The following CAST variants were observed in gnomAD, a reference collection of about 807,000 sequenced individuals.
CAST encodes calpastatin.
Under a neutral mutation model 119.6 loss-of-function variants are expected in CAST, and 76 were observed. The ratio of observed to expected loss-of-function variants is 0.64; its 90% CI spans 0.53 to 0.77. CAST has a LOEUF of 0.77. Among genes scored for constraint, CAST ranks in the 30% least tolerant of loss-of-function variants. CAST has a pLI of 0.00. For synonymous variants in CAST, 319 were observed against 331.6 expected (o/e 0.96, Z 0.41); for missense variants, 953 against 946.5 (o/e 1.01, Z -0.09).
chr5:96,037,001 C>A, the CAST span, among the ~76,000 whole-genome samples: 1 of 152,062 alleles, frequency 6.6e-6, no homozygotes, highest in Non-Finnish European at 1.5e-5. Flanking sequence ...GATCTACCTT[C>A]CCTTGTGGAA....
the CAST span, among the ~76,000 whole-genome samples, chr5:95,962,867 G>T: frequency 1.3e-5 from 2 of 152,202 alleles, no homozygotes; most frequent in Admixed American, 6.5e-5. Flanking sequence ...AGGGTTTAAA[G>T]GTAAGAGGCT....
chr5:96,102,485 G>A, the CAST span, among the ~76,000 whole-genome samples: 2 of 152,102 alleles, frequency 1.3e-5, no homozygotes, highest in African/African-American at 4.8e-5. Flanking sequence ...TTGGTAAAAA[G>A]ACAATATTCA....
the CAST span, among the ~76,000 whole-genome samples, chr5:96,211,733 G>A: frequency 6.6e-6 from 1 of 151,820 alleles, no homozygotes; most frequent in African/African-American, 2.4e-5. Context: ...GTAAACATTG[G>A]GAATAATTCT....
rs184683403 is a variant in CAST, at chr5:96,627,910, C to T, written c.61-47629C>T. Among the ~76,000 whole-genome samples, 3 of 152,324 alleles carry T rather than the reference C, an allele frequency of 2.0e-5. No individual in the cohort carries two copies. In the East Asian group the frequency reaches 5.8e-4, roughly 29 times the overall value. ...ATTTGCCATGCTTTCATTTTCATTT[C>T]GCTAGTCATGTGCCTTACCCTACAA... On this transcript the variant is annotated intron_variant, in intron 1 of 11. Transcript: ENST00000505143.
intron 1 of CAST, among the ~76,000 whole-genome samples, chr5:96,542,124 CACA>C (rs1745924249): frequency 6.6e-6 from 1 of 152,050 alleles, no homozygotes; most frequent in Non-Finnish European, 1.5e-5. Flanking sequence ...TCCTGGCTAA[CACA>C]GTGAAACCCC....
the CAST span, among the ~76,000 whole-genome samples, chr5:96,243,764 C>T: frequency 6.6e-6 from 1 of 152,018 alleles, no homozygotes; most frequent in Non-Finnish European, 1.5e-5. Flanking sequence ...TTTTTCTGCC[C>T]AGATTCATTT....
At chr5:96,517,887 C>T in the CAST span, among the ~76,000 whole-genome samples, 1 of 152,222 alleles carries the variant, frequency 6.6e-6, no homozygotes, top group Non-Finnish European at 1.5e-5. Context: ...TACCACATTA[C>T]AGAGACTGTG....
At chr5:96,364,444 G>C in the CAST span, among the ~76,000 whole-genome samples, 7 of 152,252 alleles carry the variant, frequency 4.6e-5, no homozygotes, top group Admixed American at 3.3e-4. Flanking sequence ...CTGTGAATCC[G>C]TCTGGTCCTG....
At chr5:96,078,158 G>T in the CAST span, among the ~76,000 whole-genome samples, 4 of 152,106 alleles carry the variant, frequency 2.6e-5, no homozygotes, top group African/African-American at 9.7e-5. Context: ...TAATTCCATC[G>T]TGACAGCCCG....
the CAST span, among the ~76,000 whole-genome samples, chr5:96,430,121 T>C: frequency 2.6e-5 from 4 of 152,222 alleles, no homozygotes; most frequent in Non-Finnish European, 5.9e-5. Flanking sequence ...GATTTTCCAC[T>C]AATTCAAGGC....
At chr5:96,522,451 T>C (rs1218125213), upstream of CAST, among the ~76,000 whole-genome samples, 1 of 152,126 alleles carries the variant, frequency 6.6e-6, no homozygotes, top group Non-Finnish European at 1.5e-5. Flanking sequence ...TATTAACCAA[T>C]TTACAACAGT....
chr5:96,736,189 A>G lies in CAST; in HGVS notation c.648A>G (p.Ser216=), dbSNP rs1181134741. 3.7e-6 allele frequency: 6 copies of G among 1,612,236 alleles called. 1 individual carries two copies. In the African/African-American group the frequency reaches 6.7e-5, roughly 18 times the overall value. Residue 216 remains serine, a synonymous_variant, in exon 10 of 32, where the codon TCA becomes TCG. Coordinates refer to ENST00000675179, the MANE Select transcript of CAST (RefSeq NM_001750.7). ...CTCACCAGAAAAAAGAAAAGAAATC[A>G]TTAACCCCAGCTGTGCCAGTTGAAT... ...KPGDKKKEKK[S]LTPAVPVESK...
chr5:96,662,322 T>TCCCAA, upstream of CAST: 1 of 567,038 alleles, frequency 1.8e-6, no homozygotes, highest in Non-Finnish European at 2.5e-6. Flanking sequence ...GGCCCTCCGC[T>TCCCAA]CCCTCCCTCC....
the CAST span, among the ~76,000 whole-genome samples, chr5:96,120,150 T>C: frequency 6.6e-6 from 1 of 152,130 alleles, no homozygotes; most frequent in African/African-American, 2.4e-5. Context: ...GGTTTCCTTT[T>C]GGGGTGTTAT....
At chr5:96,333,784 ATG>A in the CAST span, among the ~76,000 whole-genome samples, 5,797 of 152,188 alleles carry the variant, frequency 0.038, 148 homozygotes, top group Non-Finnish European at 0.059. Context: ...TGAAGGCAAA[ATG>A]AGAGAGAACA....
the CAST span, chr5:96,398,945 G>T: frequency 1.2e-6 from 2 of 1,612,512 alleles, no homozygotes; most frequent in Non-Finnish European, 1.7e-6. Flanking sequence ...GCTTCAAATT[G>T]TACATGCTCC....
At chr5:96,206,520 A>G in the CAST span, among the ~76,000 whole-genome samples, 1 of 152,108 alleles carries the variant, frequency 6.6e-6, no homozygotes. Flanking sequence ...TCTTCTGCAT[A>G]TGGCTAGCCA....
chr5:96,738,658 C>T (rs1459253552), intron 11 of CAST, among the ~76,000 whole-genome samples: 4 of 152,012 alleles, frequency 2.6e-5, no homozygotes, highest in Non-Finnish European at 5.9e-5. Flanking sequence ...GCCAGCCAGG[C>T]ATGGTGGCTC....
chr5:96,557,735 G>A (rs1026530056), intron 1 of CAST, among the ~76,000 whole-genome samples: 1 of 152,102 alleles, frequency 6.6e-6, no homozygotes, highest in Non-Finnish European at 1.5e-5. Context: ...AAGAAACTTA[G>A]ACTCCCACAC....
Sources: gnomAD v4.1 joint callset for allele counts (sites outside exome capture counted in the v4.1 genomes callset) on GRCh38, gnomAD v4.1.1 for gene constraint, MANE v1.5 for transcripts, NCBI Gene and HGNC (gene_info 2026-07-23, HGNC 2026-07-21) for gene names.